SUCO: variants seen among roughly 807,000 people sequenced by gnomAD.
The protein encoded by SUCO is SUN domain containing ossification factor.
SUCO carries 57 observed loss-of-function variants against 148.1 expected under a neutral mutation model. That is an observed-to-expected ratio of 0.38 (90% confidence interval 0.31 to 0.48). SUCO has a LOEUF of 0.48. Among genes scored for constraint, SUCO ranks in the 20% least tolerant of loss-of-function variants. SUCO has a pLI of 0.96. For synonymous variants in SUCO, 470 were observed against 502.7 expected, an observed-to-expected ratio of 0.93 and a Z score of 0.87; for missense variants, 1,331 against 1,468.2, an observed-to-expected ratio of 0.91 and a Z score of 1.53.
At chr1:172,562,938 A>G (rs1029656890) in intron 6 of SUCO, among the ~76,000 whole-genome samples, 1 of 152,058 alleles carries the variant, frequency 6.6e-6, no homozygotes, top group Non-Finnish European at 1.5e-5. Flanking sequence ...CACAAGATCT[A>G]GTTTAAAAGT....
At chr1:172,579,753 A>G (rs932732299) in intron 15 of SUCO, among the ~76,000 whole-genome samples, 1 of 152,224 alleles carries the variant, frequency 6.6e-6, no homozygotes, top group Admixed American at 6.5e-5. Flanking sequence ...TGTTATTCCA[A>G]AGTCGAATCC....
intron 3 of SUCO, among the ~76,000 whole-genome samples, chr1:172,554,639 A>T (rs1653588463): frequency 1.3e-5 from 2 of 151,628 alleles, no homozygotes; most frequent in Admixed American, 1.3e-4. Context: ...CAGGAGGCTG[A>T]GGCAGGAGAA....
In SUCO at chr1:172,533,326, C is replaced by T. The variant is rs764870092; in HGVS notation, c.-110C>T. 1.9e-5 allele frequency: 29 copies of T among 1,551,280 alleles called. 1 individual carries two copies. In the East Asian group the frequency reaches 6.8e-4, roughly 37 times the overall value. ...TCAGCCAGCGCCATAGCCCTTAGGA[C>T]TATCGGTCACATTCTCGCGCTCCTG... On this transcript the variant is annotated 5_prime_UTR_variant, in exon 1 of 24. Coordinates refer to ENST00000263688, the MANE Select transcript of SUCO (RefSeq NM_014283.5).
At chr1:172,543,758 C>T (rs757127176) in intron 1 of SUCO, among the ~76,000 whole-genome samples, 31 of 151,998 alleles carry the variant, frequency 2.0e-4, no homozygotes, top group Non-Finnish European at 4.0e-4. Context: ...TACAATTGCA[C>T]GTGATTTGAC....
At chr1:172,576,760 A>T (rs1025269538) in intron 11 of SUCO, 1 of 292,858 alleles carries the variant, frequency 3.4e-6, no homozygotes, top group Non-Finnish European at 5.1e-6. Context: ...TTTAAATATT[A>T]GTTTTATAAA....
intron 21 of SUCO, 29 bp downstream of exon 21, chr1:172,602,247 T>A: frequency 6.5e-7 from 1 of 1,541,730 alleles, no homozygotes; most frequent in Non-Finnish European, 8.8e-7. Flanking sequence ...TTCACAATTT[T>A]ATTTTTTTTA....
chr1:172,569,406 A>G (rs1654781364), intron 7 of SUCO: 3 of 980,552 alleles, frequency 3.1e-6, no homozygotes, highest in South Asian at 9.4e-5. Context: ...TCATCACAAT[A>G]CGAGGAAAAT....
chr1:172,544,046 C>T, intron 1 of SUCO: 1 of 313,164 alleles, frequency 3.2e-6, no homozygotes, highest in Non-Finnish European at 4.6e-6. Flanking sequence ...TCACCCATTT[C>T]CCACAAGTTT....
In SUCO at chr1:172,569,361, T is replaced by C. The variant is rs566038097; in HGVS notation, c.856+219T>C. On this transcript the variant is annotated intron_variant, in intron 7 of 23. Transcript: ENST00000263688. ...AATTAAAATCCATTCTTGTAAATTA[T>C]TAAGTGAGCATAAAATAAGGCATAG... The C allele has an allele frequency of 7.2e-6, 7 of 968,458 alleles. No homozygotes were observed. The South Asian group carries it at 2.9e-4, about 40-fold the overall frequency. 60.0% of individuals were successfully genotyped at this position (968,458 alleles called of 1,614,324 possible). A position where few individuals can be genotyped will look rare whatever the true frequency, so the allele number is the denominator to read the frequency against.
At chr1:172,581,946 G>A (rs767171621) in intron 15 of SUCO, among the ~76,000 whole-genome samples, 3 of 152,292 alleles carry the variant, frequency 2.0e-5, no homozygotes, top group Non-Finnish European at 4.4e-5. Flanking sequence ...TTATCTTAGA[G>A]CAGCATTCTT....
chr1:172,595,105 C>A (rs1231080532), intron 19 of SUCO, among the ~76,000 whole-genome samples: 1 of 152,088 alleles, frequency 6.6e-6, no homozygotes, highest in Non-Finnish European at 1.5e-5. Context: ...ACGATTGTAA[C>A]CCCTGCTTTT....
chr1:172,578,253 C>A, intron 13 of SUCO, 45 bp from the exon 14 acceptor site: 1 of 1,354,692 alleles, frequency 7.4e-7, no homozygotes, highest in South Asian at 1.2e-5. Context: ...TTAGTCTTAA[C>A]GAGTGTTTTG....
chr1:172,606,375 T>G (rs948792018), intron 22 of SUCO, among the ~76,000 whole-genome samples: 3 of 151,614 alleles, frequency 2.0e-5, no homozygotes, highest in Non-Finnish European at 4.4e-5. Context: ...GGAAGTTGTG[T>G]ACTGGTTCTG....
chr1:172,605,786 G>T (rs1657830257), intron 22 of SUCO, among the ~76,000 whole-genome samples: 1 of 151,684 alleles, frequency 6.6e-6, no homozygotes, highest in African/African-American at 2.4e-5. Context: ...TTCCTTTGCA[G>T]TCCTTATAGC....
At chr1:172,574,890 T>C in intron 10 of SUCO, 1 of 985,246 alleles carries the variant, frequency 1.0e-6, no homozygotes, top group Non-Finnish European at 1.2e-6. Context: ...ATTCTGCCGC[T>C]ACCCTTGCTC....
intron 6 of SUCO, among the ~76,000 whole-genome samples, chr1:172,561,431 A>G (rs751277884): frequency 1.3e-5 from 2 of 152,142 alleles, no homozygotes; most frequent in African/African-American, 2.4e-5. Context: ...GGGGATGTTG[A>G]TGACGAATCT....
At chr1:172,550,240 T>G (rs1653188038) in intron 1 of SUCO, among the ~76,000 whole-genome samples, 1 of 152,040 alleles carries the variant, frequency 6.6e-6, no homozygotes, top group African/African-American at 2.4e-5. Flanking sequence ...CACCTCAGTA[T>G]GTAGTTCAAA....
At chr1:172,548,438 CT>C (rs1168561533) in intron 1 of SUCO, among the ~76,000 whole-genome samples, 1 of 151,788 alleles carries the variant, frequency 6.6e-6, no homozygotes, top group Non-Finnish European at 1.5e-5. Context: ...TCCATATATC[CT>C]TCCTTGTTTC....
chr1:172,534,487 A>G (rs1050165809), intron 1 of SUCO, among the ~76,000 whole-genome samples: 1 of 152,254 alleles, frequency 6.6e-6, no homozygotes, highest in Non-Finnish European at 1.5e-5. Context: ...TATGGATTCC[A>G]GAAGCACTGA....
Sources: allele counts gnomAD v4.1 joint callset (sites outside exome capture counted in the v4.1 genomes callset), GRCh38; gene constraint gnomAD v4.1.1; transcripts MANE v1.5; gene names NCBI Gene and HGNC (gene_info 2026-07-23, HGNC 2026-07-21).